SPARC: variants seen among roughly 807,000 people sequenced by gnomAD.
SPARC encodes the protein secreted protein acidic and cysteine rich.
In SPARC, 23 loss-of-function variants were observed where a neutral mutation model predicts 37.7. The ratio of observed to expected loss-of-function variants is 0.61; its 90% CI spans 0.44 to 0.87. SPARC has a LOEUF of 0.87. Among genes scored for constraint, SPARC ranks in the 40% least tolerant of loss-of-function variants. The pLI, the probability that SPARC is intolerant of heterozygous loss-of-function variation, is 0.00. For missense variants in SPARC, 312 were observed against 389.0 expected, an observed-to-expected ratio of 0.80 and a Z score of 1.66; for synonymous variants, 155 against 150.8, an observed-to-expected ratio of 1.03 and a Z score of -0.20.
At chr5:151,684,655 C>T (rs1028175814) in intron 1 of SPARC, among the ~76,000 whole-genome samples, 21 of 150,632 alleles carry the variant, frequency 1.4e-4, no homozygotes, top group African/African-American at 4.9e-4. Context: ...TCTTTGGATG[C>T]CTTTAATCCA....
intron 4 of SPARC, among the ~76,000 whole-genome samples, chr5:151,672,002 T>C (rs1760758647): frequency 6.6e-6 from 1 of 152,124 alleles, no homozygotes; most frequent in African/African-American, 2.4e-5. Context: ...GAAGCAACCA[T>C]TGTGTTCCTG....
intron 1 of SPARC, among the ~76,000 whole-genome samples, chr5:151,684,336 CTATT>C (rs1169328769): frequency 6.6e-6 from 1 of 151,706 alleles, no homozygotes; most frequent in Non-Finnish European, 1.5e-5. Flanking sequence ...CTTAGAAACT[CTATT>C]TAACAGTTTG....
intron 8 of SPARC, among the ~76,000 whole-genome samples, chr5:151,664,609 T>C (rs1315136677): frequency 6.6e-6 from 1 of 152,228 alleles, no homozygotes; most frequent in Non-Finnish European, 1.5e-5. Context: ...TCAGCACTTC[T>C]GCTATGGGTA....
At chr5:151,681,720 C>T (rs571191795) in intron 1 of SPARC, among the ~76,000 whole-genome samples, 15 of 152,218 alleles carry the variant, frequency 9.9e-5, no homozygotes, top group Non-Finnish European at 1.5e-4. Context: ...GATGAAACCC[C>T]GTCTCTACTA....
rs1472698035 is a variant in SPARC, at chr5:151,662,237, A to G, written c.*1334T>C. The G allele has an allele frequency of 2.0e-5, 3 of 152,650 alleles. No homozygotes were observed. The highest frequency in any genetic ancestry group is 7.2e-5 in the African/African-American group (3 of 41,446). 9.5% of individuals were successfully genotyped at this position (152,650 alleles called of 1,614,324 possible). ...CACAGGTCATTAAATGAAAACAGCTAACTTAGTGCTTACAGGAACCATACA... is the reference window on the plus strand; with the variant it reads ...CACAGGTCATTAAATGAAAACAGCTGACTTAGTGCTTACAGGAACCATACA... On this transcript the variant is annotated 3_prime_UTR_variant, in exon 10 of 10. Transcript: ENST00000231061.
Position 151,667,526 on chromosome 5 carries a change from CCAG to C in SPARC, c.523_525del (p.Leu175del), listed in dbSNP as rs1192421109. 23 of 1,614,062 alleles carry C rather than the reference CCAG, an allele frequency of 1.4e-5. No homozygotes were observed. Among genetic ancestry groups the C allele is most frequent in the Non-Finnish European group, 1.9e-5 (23 of 1,180,028 alleles). On this transcript the variant is annotated inframe_deletion, in exon 7 of 10. Transcript: ENST00000231061. ...TCCTCATCCCTCTCATACAGGGTGACCAGGACGTTCTTGAGCCAGTCCCGCATG... is the reference window on the plus strand; with the variant it reads ...TCCTCATCCCTCTCATACAGGGTGACGACGTTCTTGAGCCAGTCCCGCATG...
chr5:151,663,179 A>C lies in SPARC; in HGVS notation c.*392T>G. The C allele has an allele frequency of 5.6e-6, 1 of 177,542 alleles. No homozygotes were observed. Among genetic ancestry groups the C allele is most frequent in the Non-Finnish European group, 1.2e-5 (1 of 84,216 alleles). The allele number at this position is 177,542 out of a possible 1,614,324, so 11.0% of individuals were successfully genotyped here. A position where few individuals can be genotyped will look rare whatever the true frequency, so the allele number is the denominator to read the frequency against. ...AAGCCCACAGGCAGCCAAGACCCTG[A>C]AATGAAATGAACACAAAGTCTGACT... On this transcript the variant is annotated 3_prime_UTR_variant, in exon 10 of 10. Coordinates refer to ENST00000231061, the MANE Select transcript of SPARC (RefSeq NM_003118.4).
At chr5:151,677,812 T>C (rs1760894606) in intron 1 of SPARC, among the ~76,000 whole-genome samples, 1 of 152,184 alleles carries the variant, frequency 6.6e-6, no homozygotes, top group Non-Finnish European at 1.5e-5. Flanking sequence ...TCACCCCCTA[T>C]TGCACAGAGT....
intron 9 of SPARC, 76 bp downstream of exon 9, chr5:151,664,011 G>A: frequency 6.5e-7 from 1 of 1,544,838 alleles, no homozygotes; most frequent in Non-Finnish European, 8.9e-7. Context: ...AGAGCGGAGA[G>A]TGGGGGGATG....
intron 2 of SPARC, among the ~76,000 whole-genome samples, chr5:151,674,929 T>C (rs1398984169): frequency 6.6e-6 from 1 of 152,220 alleles, no homozygotes; most frequent in Non-Finnish European, 1.5e-5. Flanking sequence ...AGATTTAGCT[T>C]GGAAAAGTAT....
chr5:151,685,422 T>TCTCA (rs1216324359), intron 1 of SPARC, among the ~76,000 whole-genome samples: 290 of 140,516 alleles, frequency 2.1e-3, no homozygotes, highest in Non-Finnish European at 3.1e-3. Context: ...CCTCTCTCTC[T>TCTCA]CACACACACA....
Position 151,669,802 on chromosome 5 carries a change from A to G in SPARC, c.331-18T>C. 1 of 1,613,996 alleles carries G rather than the reference A, an allele frequency of 6.2e-7. No individual in the cohort carries two copies. Among genetic ancestry groups the G allele is most frequent in the Admixed American group, 1.7e-5 (1 of 60,012 alleles). ...CTGCACACCTGTTGGCAAAGCACAG[A>G]GTACCCCCTCCTTCATTCCCAAAGC... On this transcript the variant is annotated intron_variant, in intron 5 of 9. Transcript: ENST00000231061.
Position 151,666,400 on chromosome 5 carries a change from T to C in SPARC, c.695A>G (p.His232Arg), listed in dbSNP as rs770162472. ...CTGGTCCAGCTGGCCGAACTGCCAG[T>C]GTACAGGGAAGATGTACATGTTATA... ...KNYNMYIFPVHWQFGQLDQHP... is the reference protein window; with the variant it reads ...KNYNMYIFPVRWQFGQLDQHP... Residue 232 changes from histidine (H) to arginine (R), a missense_variant, in exon 8 of 10, where the codon CAC (histidine) becomes CGC (arginine). By Grantham distance (29) the His-to-Arg change is conservative. Coordinates refer to ENST00000231061, the MANE Select transcript of SPARC (RefSeq NM_003118.4). The C allele has an allele frequency of 4.0e-5, 64 of 1,614,024 alleles. No homozygotes were observed. The highest frequency in any genetic ancestry group is 6.7e-5 in the Admixed American group (4 of 60,006).
Position 151,667,695 on chromosome 5 carries a change from T to A in SPARC, c.452-95A>T, listed in dbSNP as rs911757939. 44 of 1,440,744 alleles carry A rather than the reference T, an allele frequency of 3.1e-5. No homozygotes were observed. In the Admixed American group the frequency reaches 9.1e-4, roughly 30 times the overall value. 89.2% of individuals were successfully genotyped at this position (1,440,744 alleles called of 1,614,324 possible). A position where few individuals can be genotyped will look rare whatever the true frequency, so the allele number is the denominator to read the frequency against. Reference sequence around the variant, plus strand: ...CCCACCCACATACCACCTGCATTGGTGGCCTTGGCACAGTGGCTCAACCTC... The same window carrying A: ...CCCACCCACATACCACCTGCATTGGAGGCCTTGGCACAGTGGCTCAACCTC... On this transcript the variant is annotated intron_variant, in intron 6 of 9. Coordinates refer to ENST00000231061, the MANE Select transcript of SPARC (RefSeq NM_003118.4).
At chr5:151,681,128 A>G (rs985926233) in intron 1 of SPARC, among the ~76,000 whole-genome samples, 1 of 152,228 alleles carries the variant, frequency 6.6e-6, no homozygotes, top group African/African-American at 2.4e-5. Context: ...GCTGGTAAAC[A>G]AGCCCAAAGA....
chr5:151,684,308 G>A (rs914338474), intron 1 of SPARC, among the ~76,000 whole-genome samples: 14 of 152,136 alleles, frequency 9.2e-5, no homozygotes, highest in African/African-American at 2.9e-4. Context: ...TTAGAAGGGT[G>A]CCTGGGAAAT....
At chr5:151,685,790 C>T (rs1397413780) in intron 1 of SPARC, 2 of 152,144 alleles carry the variant, frequency 1.3e-5, no homozygotes, top group African/African-American at 2.4e-5. Flanking sequence ...CTGTCCTTTC[C>T]TGAGGAAAAT....
chr5:151,683,409 G>C (rs770117166), intron 1 of SPARC, among the ~76,000 whole-genome samples: 20 of 152,330 alleles, frequency 1.3e-4, no homozygotes, highest in Admixed American at 7.8e-4. Context: ...GGATTGGGGG[G>C]GAAGGCAAGG....
At position 151,682,281 on chromosome 5, in the gene SPARC, C is replaced by T. The variant is rs114750526; in HGVS notation, c.-14+4584G>A. 3.1e-3 allele frequency among the ~76,000 whole-genome samples: 467 copies of T among 152,310 alleles called. 6 individuals are homozygous for T. The highest frequency in any genetic ancestry group is 0.018 in the East Asian group (93 of 5,174). ...GAATCAGCCCGAGATTCCATAAAGA[C>T]ATCTGAGATGCCACATTTCACTGTG... On this transcript the variant is annotated intron_variant, in intron 1 of 9. Transcript: ENST00000231061.
Sources: allele counts gnomAD v4.1 joint callset (sites outside exome capture counted in the v4.1 genomes callset), GRCh38; gene constraint gnomAD v4.1.1; transcripts MANE v1.5; gene names NCBI Gene and HGNC (gene_info 2026-07-23, HGNC 2026-07-21).